The following ST8SIA6 variants were observed in gnomAD, a reference collection of about 807,000 sequenced individuals.
The protein encoded by ST8SIA6 is alpha-2,8-sialyltransferase 8F.
ST8SIA6 carries 39 observed loss-of-function variants against 33.6 expected under a neutral mutation model. The ratio of observed to expected loss-of-function variants is 1.16; its 90% CI spans 0.90 to 1.52. The LOEUF is 1.52. ST8SIA6 is among the 40% of genes most tolerant of loss of function. ST8SIA6 has a pLI of 0.00. For synonymous variants in ST8SIA6, 172 were observed against 167.2 expected, an observed-to-expected ratio of 1.03 and a Z score of -0.22; for missense variants, 441 against 443.8, an observed-to-expected ratio of 0.99 and a Z score of 0.06.
chr10:17,342,693 C>T (rs1424644724), intron 4 of ST8SIA6, among the ~76,000 whole-genome samples: 8 of 152,138 alleles, frequency 5.3e-5, no homozygotes, highest in Non-Finnish European at 2.9e-5. Flanking sequence ...GCTCATGCCT[C>T]TAATCCCAGC....
At chr10:17,395,740 G>A (rs1328006899) in intron 2 of ST8SIA6, among the ~76,000 whole-genome samples, 3 of 151,936 alleles carry the variant, frequency 2.0e-5, no homozygotes, top group African/African-American at 7.3e-5. Flanking sequence ...AAAATTAGTC[G>A]GGTGTGGTGG....
chr10:17,418,726 C>T (rs1851677689), intron 2 of ST8SIA6, among the ~76,000 whole-genome samples: 1 of 152,178 alleles, frequency 6.6e-6, no homozygotes, highest in Non-Finnish European at 1.5e-5. Flanking sequence ...GGCGCGATGG[C>T]TCATGCCTGT....
At chr10:17,426,812 A>G (rs758015966) in intron 2 of ST8SIA6, among the ~76,000 whole-genome samples, 2 of 152,166 alleles carry the variant, frequency 1.3e-5, no homozygotes, top group Admixed American at 6.6e-5. Flanking sequence ...AAAAAGTTCT[A>G]TGCACGGGGC....
chr10:17,374,873 G>T (rs1455352671), intron 3 of ST8SIA6, among the ~76,000 whole-genome samples: 1 of 151,512 alleles, frequency 6.6e-6, no homozygotes, highest in Non-Finnish European at 1.5e-5. Flanking sequence ...TAGTGTGTTG[G>T]TATGAATGGC....
intron 3 of ST8SIA6, among the ~76,000 whole-genome samples, chr10:17,382,296 G>C (rs1004901218): frequency 4.6e-5 from 7 of 151,488 alleles, no homozygotes; most frequent in African/African-American, 1.7e-4. Context: ...GTATCTTCTT[G>C]CTCTTATCAC....
At chr10:17,453,510 G>A (rs1316486915) in intron 2 of ST8SIA6, 49 bp downstream of exon 2, 1 of 1,254,208 alleles carries the variant, frequency 8.0e-7, no homozygotes, top group South Asian at 3.1e-5. Context: ...CCCCATGCCC[G>A]GCTCGCAGCT....
chr10:17,335,092 C>G (rs184899050), intron 4 of ST8SIA6, among the ~76,000 whole-genome samples: 7 of 152,262 alleles, frequency 4.6e-5, no homozygotes, highest in African/African-American at 1.7e-4. Context: ...AAGCTTTAGC[C>G]TTTTTCAGTC....
At chr10:17,365,792 T>A (rs956889808) in intron 3 of ST8SIA6, among the ~76,000 whole-genome samples, 9 of 152,210 alleles carry the variant, frequency 5.9e-5, no homozygotes, top group African/African-American at 1.7e-4. Context: ...ACTGATTTAC[T>A]AGTCTTATGT....
At chr10:17,401,090 T>C (rs2131678559) in intron 2 of ST8SIA6, among the ~76,000 whole-genome samples, 1 of 152,250 alleles carries the variant, frequency 6.6e-6, no homozygotes, top group Non-Finnish European at 1.5e-5. Context: ...AGTCTCAGGA[T>C]ACAAAATCAA....
chr10:17,332,721 A>G (rs755427486), intron 4 of ST8SIA6, among the ~76,000 whole-genome samples: 1 of 152,064 alleles, frequency 6.6e-6, no homozygotes, highest in African/African-American at 2.4e-5. Flanking sequence ...CAGCCTCCCA[A>G]TGTGCTATTT....
chr10:17,386,782 C>T (rs436491), intron 3 of ST8SIA6, among the ~76,000 whole-genome samples: 47,780 of 151,664 alleles, frequency 0.32, 8,118 homozygotes, highest in East Asian at 0.64. Context: ...TTACAGTCTC[C>T]CGTAAACAGG....
chr10:17,427,516 A>G (rs1851976256), intron 2 of ST8SIA6, among the ~76,000 whole-genome samples: 1 of 152,248 alleles, frequency 6.6e-6, no homozygotes, highest in African/African-American at 2.4e-5. Flanking sequence ...GCGCTGCACC[A>G]TCACAGCATG....
intron 4 of ST8SIA6, among the ~76,000 whole-genome samples, chr10:17,351,931 T>C (rs1456338382): frequency 6.6e-6 from 1 of 152,108 alleles, no homozygotes; most frequent in Non-Finnish European, 1.5e-5. Flanking sequence ...AAAGTTTCAG[T>C]TGGGCAGAAA....
rs1849407872 is a variant in ST8SIA6 at position 17,361,967 on chromosome 10, G to A, written c.291-2367C>T. ...TTGACCTGATCCAACATTCAGCAAT[G>A]ACAAAAACCCTCACTGTAAAACAGA... On this transcript the variant is annotated intron_variant, in intron 3 of 7. Coordinates refer to ENST00000377602, the MANE Select transcript of ST8SIA6 (RefSeq NM_001004470.3). 5.9e-5 allele frequency among the ~76,000 whole-genome samples: 9 copies of A among 152,036 alleles called. No homozygotes were observed. In the South Asian group the frequency reaches 1.7e-3, roughly 28 times the overall value.
chr10:17,330,609 TAAAAG>T (rs1321056747), intron 5 of ST8SIA6, among the ~76,000 whole-genome samples: 1 of 152,100 alleles, frequency 6.6e-6, no homozygotes, highest in East Asian at 1.9e-4. Flanking sequence ...AAAGCTCCAA[TAAAAG>T]AAAACTGTAA....
At chr10:17,404,879 C>G (rs1374013867) in intron 2 of ST8SIA6, among the ~76,000 whole-genome samples, 1 of 152,162 alleles carries the variant, frequency 6.6e-6, no homozygotes, top group Non-Finnish European at 1.5e-5. Context: ...TCTTCTTTAA[C>G]TGAGCTATTT....
At chr10:17,390,472 CA>C in intron 3 of ST8SIA6, 58 bp downstream of exon 3, 1 of 1,394,250 alleles carries the variant, frequency 7.2e-7, no homozygotes, top group Non-Finnish European at 1.0e-6. Flanking sequence ...CACTGTCAGA[CA>C]TTCTGAAAAT....
At chr10:17,412,968 C>T (rs1345196593) in intron 2 of ST8SIA6, among the ~76,000 whole-genome samples, 1 of 152,100 alleles carries the variant, frequency 6.6e-6, no homozygotes, top group Non-Finnish European at 1.5e-5. Context: ...CATTATTATG[C>T]ATCAATTAAC....
chr10:17,325,885 T>C (rs1848115225), intron 6 of ST8SIA6, among the ~76,000 whole-genome samples: 1 of 152,156 alleles, frequency 6.6e-6, no homozygotes, highest in Non-Finnish European at 1.5e-5. Flanking sequence ...AAACTTATTG[T>C]ATTGCCTATA....
Sources: gnomAD v4.1 joint callset for allele counts (sites outside exome capture counted in the v4.1 genomes callset) on GRCh38, gnomAD v4.1.1 for gene constraint, MANE v1.5 for transcripts, NCBI Gene and HGNC (gene_info 2026-07-23, HGNC 2026-07-21) for gene names.